Variants in SMG1 observed in about 807,000 individuals in gnomAD.
SMG1 encodes the protein serine/threonine-protein kinase SMG1.
SMG1 carries 22 observed loss-of-function variants against 419.9 expected under a neutral mutation model. The ratio of observed to expected loss-of-function variants is 0.05; its 90% CI spans 0.04 to 0.07. SMG1 has a LOEUF of 0.07. Among genes scored for constraint, SMG1 ranks in the 10% least tolerant of loss-of-function variants. SMG1 has a pLI of 1.00. For synonymous variants in SMG1, 1,538 were observed against 1,553.5 expected, an observed-to-expected ratio of 0.99 and a Z score of 0.23; for missense variants, 3,185 against 4,342.0, an observed-to-expected ratio of 0.73 and a Z score of 7.49.
rs1198948314 is a variant in SMG1, at chr16:18,854,897, T to G, written c.4242A>C (p.Thr1414=). The change falls in exon 30 of 63, where the codon ACA becomes ACC. Residue 1414 remains threonine (T), a synonymous_variant. Transcript: ENST00000446231. ...CCATGAGATGGCTTCTAATTGGGAC[T>G]GTTTGTTCTGAAGAGAGGAAAACGT... ...NQLLEKIKEQ[T]VPIRSHLMEL... The G allele has an allele frequency of 1.2e-6, 2 of 1,613,556 alleles. No homozygotes were observed. Among genetic ancestry groups the G allele is most frequent in the Non-Finnish European group, 1.7e-6 (2 of 1,179,772 alleles).
intron 13 of SMG1, chr16:18,875,892 T>C: frequency 1.8e-6 from 1 of 547,300 alleles, no homozygotes. Context: ...AAAATAAAAC[T>C]AATATAAAAA....
In SMG1 at chr16:18,811,860, T is replaced by C. The variant is rs754093267; in HGVS notation, c.10809A>G (p.Gln3603=). Residue 3603 remains glutamine (Q), a synonymous_variant, in exon 62 of 63, where the codon CAA becomes CAG. Coordinates refer to ENST00000446231, the MANE Select transcript of SMG1 (RefSeq NM_015092.5). ...CACTCACTGCATAGGAGTTTCTCTCTTGCACCGCTATGAAGCAACAAAAAC... is the reference window on the plus strand; with the variant it reads ...CACTCACTGCATAGGAGTTTCTCTCCTGCACCGCTATGAAGCAACAAAAAC... The part of the protein sequence containing the change: ...VRDPKTGKAV[Q]ERNSYAVSVW... 1.4e-5 allele frequency: 22 copies of C among 1,613,870 alleles called. No homozygotes were observed. In the South Asian group the frequency reaches 1.5e-4, roughly 11 times the overall value.
In SMG1 at chr16:18,849,946, C is replaced by T. The variant is rs754032837; in HGVS notation, c.5461+3G>A. 2 of 1,612,508 alleles carry T rather than the reference C, an allele frequency of 1.2e-6. No homozygotes were observed. The highest frequency in any genetic ancestry group is 1.7e-6 in the Non-Finnish European group (2 of 1,179,358). Reference sequence around the variant, plus strand: ...TTCCTGAAACATTTTATGCAGGTCTCACCTCTCCATGGTGCAGTGGGTGTT... The same window carrying T: ...TTCCTGAAACATTTTATGCAGGTCTTACCTCTCCATGGTGCAGTGGGTGTT... On this transcript the variant is annotated splice_donor_region_variant and intron_variant, in intron 35 of 62. Transcript: ENST00000446231.
At chr16:18,845,680 A>C (rs2034218205) in intron 38 of SMG1, 29 bp from the exon 39 acceptor site, 21 of 1,566,010 alleles carry the variant, frequency 1.3e-5, no homozygotes, top group Non-Finnish European at 1.7e-5. Flanking sequence ...TTATTCAAAA[A>C]CTTAAATGTG....
At position 18,915,794 on chromosome 16, in the gene SMG1, C is replaced by T. The variant is rs537257559; in HGVS notation, c.92+10156G>A. Among the ~76,000 whole-genome samples the T allele has an allele frequency of 5.1e-4, 78 of 152,070 alleles. 1 individual carries two copies. The highest frequency in any genetic ancestry group is 9.3e-4 in the Non-Finnish European group (63 of 67,988). ...GAATTTAAGACCTATACAGGCCAGG[C>T]GTGGTGGCTCACGCCTGTAATCCCA... On this transcript the variant is annotated intron_variant, in intron 1 of 62. Transcript: ENST00000446231.
At chr16:18,888,772 A>C (rs1415424216) in intron 6 of SMG1, among the ~76,000 whole-genome samples, 1 of 149,410 alleles carries the variant, frequency 6.7e-6, no homozygotes, top group Non-Finnish European at 1.5e-5. Context: ...TTGGCTGAGG[A>C]AAAAAATCTT....
At position 18,879,491 on chromosome 16, in the gene SMG1, A is replaced by T. The variant is rs2036291338; in HGVS notation, c.1518+4T>A. 2 of 756,116 alleles carry T rather than the reference A, an allele frequency of 2.6e-6. No homozygotes were observed. The highest frequency in any genetic ancestry group is 3.5e-5 in the African/African-American group (2 of 57,792). 46.8% of individuals were successfully genotyped at this position (756,116 alleles called of 1,614,324 possible). A position where few individuals can be genotyped will look rare whatever the true frequency, so the allele number is the denominator to read the frequency against. On this transcript the variant is annotated splice_donor_region_variant and intron_variant, in intron 11 of 62. Coordinates refer to ENST00000446231, the MANE Select transcript of SMG1 (RefSeq NM_015092.5). ...ATTAAAAAGGAAAAGAATAATTCAC[A>T]TACCAGCGTGAGTAAATTCAAGACT...
Position 18,873,728 on chromosome 16 carries a change from A to T in SMG1, c.1891-1104T>A, listed in dbSNP as rs575876532. Among the ~76,000 whole-genome samples the T allele has an allele frequency of 2.6e-5, 4 of 152,312 alleles. No homozygotes were observed. In the South Asian group the frequency reaches 8.3e-4, roughly 32 times the overall value. On this transcript the variant is annotated intron_variant, in intron 13 of 62. Transcript: ENST00000446231. ...TTGCGGAAGTAGACTGTATTTCCTC[A>T]ATTTTCCATATACTGCAAATGGCAA...
intron 1 of SMG1, among the ~76,000 whole-genome samples, chr16:18,921,930 T>C (rs924696662): frequency 2.6e-5 from 4 of 152,226 alleles, no homozygotes; most frequent in Non-Finnish European, 5.9e-5. Flanking sequence ...TTTAGAAGTA[T>C]AGAAAGATCC....
chr16:18,862,938 C>A (rs922282189), intron 25 of SMG1, among the ~76,000 whole-genome samples: 7 of 152,214 alleles, frequency 4.6e-5, no homozygotes, highest in Admixed American at 3.3e-4. Context: ...TCTTCCCTCC[C>A]AAGAAGGTCA....
chr16:18,809,538 G>T lies in SMG1; in HGVS notation c.*31C>A. 1 of 1,557,816 alleles carries T rather than the reference G, an allele frequency of 6.4e-7. No individual in the cohort carries two copies. The highest frequency in any genetic ancestry group is 8.8e-7 in the Non-Finnish European group (1 of 1,135,030). On this transcript the variant is annotated 3_prime_UTR_variant, in exon 63 of 63. Transcript: ENST00000446231. ...TTGATTCTGGTGGATGTCTGACCTC[G>T]CTTAACCAGACTCATCTACTGTCTT...
chr16:18,892,039 C>T (rs1158732394), intron 4 of SMG1, among the ~76,000 whole-genome samples, 179 bp downstream of exon 4: 3 of 152,148 alleles, frequency 2.0e-5, no homozygotes, highest in African/African-American at 7.2e-5. Context: ...TGCACTCCAG[C>T]CTGGGCGACA....
Position 18,815,227 on chromosome 16 carries a change from A to C in SMG1, c.10569T>G (p.Asn3523Lys). ...FASPLVTDAT[N>K]ECSSPTSSAT... The stretch of plus-strand genomic sequence containing the variant: ...CAGATGACGTTGGACTCGAACATTC[A>C]TTTGTTGCATCGGTGACTAAGGGTG... Residue 3523 changes from asparagine (N) to lysine (K), a missense_variant, in exon 60 of 63, where the codon AAT becomes AAG. By Grantham distance (94) the Asn-to-Lys change is moderately conservative (BLOSUM62 0). Around this residue, in one of 27 missense-constraint regions of SMG1, gnomAD observed 737 missense variants for 846.6 expected, o/e 0.87. Coordinates refer to ENST00000446231, the MANE Select transcript of SMG1 (RefSeq NM_015092.5). 6.3e-7 allele frequency: 1 copy of C among 1,596,418 alleles called. No homozygotes were observed. Among genetic ancestry groups the C allele is most frequent in the Non-Finnish European group, 8.5e-7 (1 of 1,170,918 alleles).
intron 48 of SMG1, 140 bp downstream of exon 48, chr16:18,835,793 G>A (rs534792106): frequency 5.7e-5 from 44 of 778,100 alleles, no homozygotes; most frequent in Non-Finnish European, 8.5e-5. Flanking sequence ...CAGCTACTCT[G>A]GAGGCTGAGG....
rs574179061 is a variant in SMG1, at chr16:18,887,516, C to CTTTTTTTTTTTTTTTT, written c.822+1840_823-1851dup. Among the ~76,000 whole-genome samples, 117 of 110,074 alleles carry CTTTTTTTTTTTTTTTT rather than the reference C, an allele frequency of 1.1e-3. 1 individual carries two copies. Among genetic ancestry groups the CTTTTTTTTTTTTTTTT allele is most frequent in the South Asian group, 2.0e-3 (7 of 3,420 alleles). The allele number at this position is 110,074 out of a possible 152,430, so 72.2% of individuals were successfully genotyped here. ...ACCACGCCCGACTTATTTTTTTTTC[C>CTTTTTTTTTTTTTTTT]TTTTTTTTTTTTTTTTTAATAGAAA... is the stretch of plus-strand genomic sequence containing the variant. On this transcript the variant is annotated intron_variant, in intron 6 of 62. Coordinates refer to ENST00000446231, the MANE Select transcript of SMG1 (RefSeq NM_015092.5).
At position 18,869,233 on chromosome 16, in the gene SMG1, G is replaced by C. The variant is rs1259216680; in HGVS notation, c.2704C>G (p.Pro902Ala). The C allele has an allele frequency of 4.3e-6, 7 of 1,611,594 alleles. No individual in the cohort carries two copies. The Admixed American group carries it at 6.7e-5, about 15-fold the overall frequency. The change falls in exon 20 of 63, where the codon CCA becomes GCA. Residue 902 changes from proline to alanine, a missense_variant. Pro to Ala is a conservative substitution (Grantham distance 27). Coordinates refer to ENST00000446231, the MANE Select transcript of SMG1 (RefSeq NM_015092.5). The part of the protein sequence containing the change: ...RLDKRDQSTI[P>A]RNLLKTDAVL... ...GCATCTGTCTTCAGGAGATTGCGTG[G>C]AATTGTTGACTGGTCACGCTTATCC... is the stretch of plus-strand genomic sequence containing the variant.
intron 49 of SMG1, 50 bp downstream of exon 49, chr16:18,834,842 A>G (rs776651381): frequency 4.4e-5 from 69 of 1,567,142 alleles, no homozygotes; most frequent in Non-Finnish European, 6.0e-5. Context: ...TAGGTTTGGG[A>G]TTAAAAATAA....
At chr16:18,902,739 C>CCA (rs1174009542) in intron 1 of SMG1, among the ~76,000 whole-genome samples, 1 of 151,902 alleles carries the variant, frequency 6.6e-6, no homozygotes, top group African/African-American at 2.4e-5. Flanking sequence ...TGGGAACCCC[C>CCA]AAACTTGCAA....
intron 1 of SMG1, among the ~76,000 whole-genome samples, chr16:18,921,507 C>T (rs530694287): frequency 5.3e-5 from 8 of 152,084 alleles, no homozygotes; most frequent in African/African-American, 1.2e-4. Flanking sequence ...CTTTGAAATC[C>T]GTGGAACAGA....
Sources: gnomAD v4.1 joint callset for allele counts (sites outside exome capture counted in the v4.1 genomes callset) on GRCh38, gnomAD v4.1.1 for gene constraint, gnomAD v4.1.1 regional missense constraint, MANE v1.5 for transcripts, NCBI Gene and HGNC (gene_info 2026-07-23, HGNC 2026-07-21) for gene names.